PCDHA5: variants seen among roughly 807,000 people sequenced by gnomAD.
PCDHA5 encodes protocadherin alpha-5.
In PCDHA5, 43 loss-of-function variants were observed where a neutral mutation model predicts 61.6. The observed-to-expected ratio is 0.70, with a 90% CI of 0.55 to 0.90. The LOEUF (loss-of-function observed/expected upper bound fraction) is 0.90, where lower values mean the gene tolerates loss of function less well. Ranked by LOEUF, PCDHA5 falls within the 40% of genes least tolerant of loss-of-function variation. PCDHA5 has a pLI of 0.00. For synonymous variants in PCDHA5, 627 were observed against 543.9 expected, an observed-to-expected ratio of 1.15 and a Z score of -2.13; for missense variants, 1,298 against 1,222.7, an observed-to-expected ratio of 1.06 and a Z score of -0.92.
At position 140,852,434 on chromosome 5, in the gene PCDHA5, C is replaced by T. The variant is rs2150516775; in HGVS notation, c.2352+28307C>T. On this transcript the variant is annotated intron_variant, in intron 1 of 3. Transcript: ENST00000529859. ...CTGGGATTATAGGCACATGCCACCG[C>T]GCCCAGCTAATTTTTGTATTTTTAG... 6.7e-4 allele frequency: 121 copies of T among 181,038 alleles called. 6 individuals carry two copies. The highest frequency in any genetic ancestry group is 3.4e-4 in the Admixed American group (5 of 14,894). The allele number at this position is 181,038 out of a possible 1,614,324, so 11.2% of individuals were successfully genotyped here. A position where few individuals can be genotyped will look rare whatever the true frequency, so the allele number is the denominator to read the frequency against.
intron 1 of PCDHA5, among the ~76,000 whole-genome samples, chr5:140,918,819 TG>T (rs2078870306): frequency 1.6e-5 from 1 of 61,992 alleles, no homozygotes; most frequent in Admixed American, 1.3e-4. Flanking sequence ...AACCAAAAAG[TG>T]GCCCCCTCCC....
At chr5:140,840,420 G>T (rs1446278635) in intron 1 of PCDHA5, among the ~76,000 whole-genome samples, 1 of 151,882 alleles carries the variant, frequency 6.6e-6, no homozygotes, top group Non-Finnish European at 1.5e-5. Context: ...CAAATAATAG[G>T]CTAGTTTAAA....
intron 1 of PCDHA5, chr5:140,867,406 C>G (rs1394985393): frequency 6.6e-6 from 1 of 151,958 alleles, no homozygotes; most frequent in East Asian, 1.9e-4. Context: ...GATATGTCTC[C>G]TTTAATTTTT....
chr5:140,857,468 T>C lies in PCDHA5; in HGVS notation c.2352+33341T>C. The C allele has an allele frequency of 1.3e-6, 2 of 1,598,520 alleles. 1 individual carries two copies. Among genetic ancestry groups the C allele is most frequent in the Non-Finnish European group, 1.7e-6 (2 of 1,167,858 alleles). The stretch of plus-strand genomic sequence containing the variant: ...GAACAACCCGCCAGGCTGCCACATC[T>C]TCACGGTGTCTGCGTGGGACGCGGA... On this transcript the variant is annotated intron_variant, in intron 1 of 3. Transcript: ENST00000529859.
At chr5:140,967,511 G>T (rs1402187059) in intron 1 of PCDHA5, 2 of 1,612,876 alleles carry the variant, frequency 1.2e-6, no homozygotes, top group Non-Finnish European at 8.5e-7. Flanking sequence ...GCGTGTCCTG[G>T]ACACTAACGA....
Position 140,823,261 on chromosome 5 carries a change from C to T in PCDHA5, c.1486C>T (p.Arg496Trp), listed in dbSNP as rs2150124032. ...CCTGGTGTCCTACTCGCTGGTGGAG[C>T]GGCGGGTGGGCGAGCGCCCGCTGTC... The part of the protein sequence containing the change: ...NALVSYSLVE[R>W]RVGERPLSSY... The change falls in exon 1 of 4, where the codon CGG becomes TGG. Residue 496 changes from arginine (R) to tryptophan (W), a missense_variant. Transcript: ENST00000529859. The T allele has an allele frequency of 3.7e-6, 6 of 1,612,910 alleles. No homozygotes were observed. In the East Asian group the frequency reaches 1.1e-4, roughly 30 times the overall value.
At chr5:140,938,631 T>C (rs1554212262) in intron 1 of PCDHA5, among the ~76,000 whole-genome samples, 1 of 152,208 alleles carries the variant, frequency 6.6e-6, no homozygotes. Context: ...AGGTTGCTTA[T>C]GATGTATAAT....
intron 1 of PCDHA5, among the ~76,000 whole-genome samples, chr5:140,951,145 TG>T (rs1554219754): frequency 9.9e-6 from 1 of 100,698 alleles, no homozygotes; most frequent in African/African-American, 4.8e-5. Flanking sequence ...TTTATCTTAT[TG>T]AATATAGTTA....
At chr5:140,830,022 G>A in intron 1 of PCDHA5, 2 of 1,613,860 alleles carry the variant, frequency 1.2e-6, no homozygotes, top group Non-Finnish European at 8.5e-7. Flanking sequence ...GACTCTCCGC[G>A]CCACCGGCTG....
intron 1 of PCDHA5, among the ~76,000 whole-genome samples, chr5:140,894,474 T>C (rs1333675195): frequency 6.6e-6 from 1 of 152,022 alleles, no homozygotes; most frequent in Non-Finnish European, 1.5e-5. Flanking sequence ...TTATTCTTGT[T>C]TTCATCTTAT....
At chr5:140,832,454 T>G (rs193078566) in intron 1 of PCDHA5, among the ~76,000 whole-genome samples, 1 of 152,214 alleles carries the variant, frequency 6.6e-6, no homozygotes, top group African/African-American at 2.4e-5. Flanking sequence ...TAATTAATAT[T>G]GCACTAAAAT....
At chr5:140,978,405 A>G (rs919688095) in intron 1 of PCDHA5, among the ~76,000 whole-genome samples, 1 of 152,220 alleles carries the variant, frequency 6.6e-6, no homozygotes, top group Non-Finnish European at 1.5e-5. Context: ...TCCCTCTTCA[A>G]TCAGAAAAGA....
chr5:140,928,228 C>A (rs376517088), intron 1 of PCDHA5: 2 of 1,614,218 alleles, frequency 1.2e-6, no homozygotes, highest in Admixed American at 1.7e-5. Context: ...ACCAAACTTT[C>A]CTCAACCCCA....
chr5:140,924,909 AATAAAAT>A (rs1563069072), intron 1 of PCDHA5, among the ~76,000 whole-genome samples: 5 of 66,374 alleles, frequency 7.5e-5, no homozygotes, highest in African/African-American at 2.5e-4. Context: ...AAAAAAATAA[AATAAAAT>A]AAAATAAAAT....
intron 1 of PCDHA5, chr5:140,829,487 G>A (rs2150168729): frequency 6.2e-7 from 1 of 1,613,742 alleles, no homozygotes; most frequent in East Asian, 2.2e-5. Flanking sequence ...GTTCGTGAAG[G>A]AGAACAACCC....
At chr5:140,834,375 T>G in intron 1 of PCDHA5, 2 of 1,560,406 alleles carry the variant, frequency 1.3e-6, no homozygotes, top group South Asian at 2.4e-5. Context: ...AACAAGCCAA[T>G]AATTTGAAAT....
At chr5:140,916,776 C>A (rs2153540006) in intron 1 of PCDHA5, among the ~76,000 whole-genome samples, 1 of 152,308 alleles carries the variant, frequency 6.6e-6, no homozygotes. Context: ...CACAAGCACT[C>A]CCTTAGCTGC....
chr5:140,967,324 G>A, intron 1 of PCDHA5: 4 of 1,609,186 alleles, frequency 2.5e-6, no homozygotes, highest in Non-Finnish European at 3.4e-6. Context: ...AGACCTACGA[G>A]CTCAGCCCCA....
chr5:140,947,543 G>A (rs1013985097), intron 1 of PCDHA5, among the ~76,000 whole-genome samples: 1 of 151,548 alleles, frequency 6.6e-6, no homozygotes, highest in African/African-American at 2.4e-5. Context: ...TTTCTACAAA[G>A]AATTCCGCTG....
Sources: allele counts gnomAD v4.1 joint callset (sites outside exome capture counted in the v4.1 genomes callset), GRCh38; gene constraint gnomAD v4.1.1; transcripts MANE v1.5; gene names NCBI Gene and HGNC (gene_info 2026-07-23, HGNC 2026-07-21).